RTF2: variants seen among roughly 807,000 people sequenced by gnomAD.
RTF2 encodes UPF0549 protein C20orf43.
In RTF2, 18 loss-of-function variants were observed where a neutral mutation model predicts 38.0. That is an observed-to-expected ratio of 0.47 (90% CI 0.33 to 0.70). The LOEUF is 0.70. Among genes scored for constraint, RTF2 ranks in the 30% least tolerant of loss-of-function variants. The pLI is 0.02. For synonymous variants in RTF2, 126 were observed against 137.1 expected, an observed-to-expected ratio of 0.92 and a Z score of 0.57; for missense variants, 311 against 379.6, an observed-to-expected ratio of 0.82 and a Z score of 1.50.
intron 6 of RTF2, chr20:56,515,766 TTC>T (rs1308968245): frequency 6.6e-6 from 1 of 152,208 alleles, no homozygotes; most frequent in African/African-American, 2.4e-5. Context: ...TTCGTGAGTT[TTC>T]TCTGTCACAG....
intron 3 of RTF2, 131 bp downstream of exon 3, chr20:56,474,902 G>T (rs1205630078): frequency 5.5e-6 from 3 of 547,028 alleles, no homozygotes; most frequent in Non-Finnish European, 9.7e-6. Context: ...TCTAATACAG[G>T]TATGATCTTG....
intron 5 of RTF2, among the ~76,000 whole-genome samples, chr20:56,499,782 G>A (rs1983807198): frequency 6.6e-6 from 1 of 151,932 alleles, no homozygotes; most frequent in South Asian, 2.1e-4. Context: ...TGTCACCCAG[G>A]CTGGAGTGAA....
intron 5 of RTF2, among the ~76,000 whole-genome samples, chr20:56,512,559 C>T (rs149863282): frequency 6.6e-6 from 1 of 152,190 alleles, no homozygotes; most frequent in Non-Finnish European, 1.5e-5. Context: ...GTTTCTACCA[C>T]CACAACACTG....
At chr20:56,473,175 T>C (rs887888431) in intron 1 of RTF2, 126 bp from the exon 2 acceptor site, 4 of 672,186 alleles carry the variant, frequency 6.0e-6, no homozygotes, top group Non-Finnish European at 1.0e-5. Context: ...TCCTATGTCA[T>C]TATCTTTGAT....
intron 5 of RTF2, among the ~76,000 whole-genome samples, chr20:56,505,743 A>G (rs1212125087): frequency 6.6e-6 from 1 of 152,172 alleles, no homozygotes; most frequent in Non-Finnish European, 1.5e-5. Context: ...AAATGCCAAC[A>G]CAAGAAGCAA....
chr20:56,503,373 C>G (rs935908065), intron 5 of RTF2, among the ~76,000 whole-genome samples: 3 of 152,190 alleles, frequency 2.0e-5, no homozygotes, highest in African/African-American at 7.2e-5. Context: ...AGGATATCCA[C>G]TCAAAACAAC....
chr20:56,501,881 A>G (rs1415120329), intron 5 of RTF2, among the ~76,000 whole-genome samples: 2 of 152,092 alleles, frequency 1.3e-5, no homozygotes, highest in Admixed American at 1.3e-4. Context: ...TCCAAAATAA[A>G]ATAAATTTGG....
chr20:56,491,844 C>A (rs1983167169), intron 5 of RTF2: 1 of 1,282,916 alleles, frequency 7.8e-7, no homozygotes, highest in Non-Finnish European at 1.1e-6. Flanking sequence ...TATTCACACA[C>A]AGAAAGTGGC....
chr20:56,497,595 C>T (rs749634070), intron 5 of RTF2: 17 of 1,324,624 alleles, frequency 1.3e-5, no homozygotes, highest in Admixed American at 4.8e-5. Flanking sequence ...CTTTGTGGCT[C>T]GAAGCTGGCT....
chr20:56,518,520 G>A lies in RTF2; in HGVS notation c.*255G>A. The A allele has an allele frequency of 2.7e-6, 1 of 373,280 alleles. No homozygotes were observed. Among genetic ancestry groups the A allele is most frequent in the Non-Finnish European group, 4.8e-6 (1 of 209,656 alleles). 23.1% of individuals were successfully genotyped at this position (373,280 alleles called of 1,614,324 possible). A position where few individuals can be genotyped will look rare whatever the true frequency, so the allele number is the denominator to read the frequency against. On this transcript the variant is annotated 3_prime_UTR_variant, in exon 9 of 9. Coordinates refer to ENST00000357348, the MANE Select transcript of RTF2 (RefSeq NM_016407.5). ...TGCAGGTGCATTTGGTCCTTTCCAT[G>A]GCCAGGAAGCCCTGTGGGCTGCACT...
At chr20:56,500,005 G>A (rs1983824216) in intron 5 of RTF2, among the ~76,000 whole-genome samples, 1 of 151,896 alleles carries the variant, frequency 6.6e-6, no homozygotes, top group Non-Finnish European at 1.5e-5. Flanking sequence ...CAAAGTGCTG[G>A]GAATTTTTAG....
intron 5 of RTF2, among the ~76,000 whole-genome samples, chr20:56,511,643 G>A (rs144606579): frequency 0.013 from 1,963 of 152,150 alleles, 55 homozygotes; most frequent in African/African-American, 0.045. Flanking sequence ...CTGTGGGGGG[G>A]CCATCCTGTG....
chr20:56,515,613 C>CACACAG (rs1454881215), intron 6 of RTF2: 23 of 77,684 alleles, frequency 3.0e-4, no homozygotes, highest in African/African-American at 1.0e-3. Flanking sequence ...CACACACACA[C>CACACAG]ACACACACAC....
chr20:56,508,508 A>T (rs984815072), intron 5 of RTF2, among the ~76,000 whole-genome samples: 1 of 152,200 alleles, frequency 6.6e-6, no homozygotes, highest in African/African-American at 2.4e-5. Flanking sequence ...TTAGTTAATA[A>T]CAGACCTTAT....
intron 5 of RTF2, among the ~76,000 whole-genome samples, chr20:56,508,639 T>C (rs1377684400): frequency 6.6e-6 from 1 of 152,190 alleles, no homozygotes; most frequent in African/African-American, 2.4e-5. Context: ...TTACCTACAC[T>C]AATCAAGATA....
At chr20:56,481,628 CAT>C (rs112263515) in intron 4 of RTF2, among the ~76,000 whole-genome samples, 7,029 of 152,070 alleles carry the variant, frequency 0.046, 466 homozygotes, top group East Asian at 0.29. Context: ...TATACACACA[CAT>C]ATACACACAC....
intron 5 of RTF2, chr20:56,497,447 G>A (rs935738170): frequency 4.2e-5 from 65 of 1,534,702 alleles, no homozygotes; most frequent in Admixed American, 1.4e-4. Flanking sequence ...CAAATAAAGC[G>A]GAACACAGTT....
At chr20:56,480,367 A>T (rs1039787288) in intron 4 of RTF2, among the ~76,000 whole-genome samples, 13 of 152,220 alleles carry the variant, frequency 8.5e-5, no homozygotes, top group Non-Finnish European at 1.3e-4. Context: ...GAAGAGAGTT[A>T]GGGCCTTGCT....
At chr20:56,496,698 C>T (rs2146345844) in intron 5 of RTF2, 1 of 1,550,562 alleles carries the variant, frequency 6.4e-7, no homozygotes, top group East Asian at 2.4e-5. Flanking sequence ...GTCTTTGGAC[C>T]ACTGAAGCAT....
Sources: allele counts gnomAD v4.1 joint callset (sites outside exome capture counted in the v4.1 genomes callset), GRCh38; gene constraint gnomAD v4.1.1; transcripts MANE v1.5; gene names NCBI Gene and HGNC (gene_info 2026-07-23, HGNC 2026-07-21).